DIPK1A: variants seen among roughly 807,000 people sequenced by gnomAD.
DIPK1A encodes divergent protein kinase domain 1A.
A neutral mutation model predicts 40.8 loss-of-function variants in DIPK1A; 27 were observed. The ratio of observed to expected loss-of-function variants is 0.66; its 90% CI spans 0.49 to 0.91. DIPK1A has a LOEUF of 0.91. Ranked by LOEUF, DIPK1A falls within the 40% of genes least tolerant of loss-of-function variation. The pLI is 0.00. For missense variants in DIPK1A, 412 were observed against 505.7 expected (o/e 0.81, Z 1.78); for synonymous variants, 166 against 171.3 (o/e 0.97, Z 0.24).
chr1:92,863,539 G>A (rs938170123), intron 2 of DIPK1A, among the ~76,000 whole-genome samples: 1 of 132,186 alleles, frequency 7.6e-6, no homozygotes, highest in African/African-American at 2.9e-5. Flanking sequence ...TCAAGACTAG[G>A]CTGGGCAACA....
In DIPK1A at chr1:92,893,592, A is replaced by C. The variant is rs552465027; in HGVS notation, c.55-17162T>G. Among the ~76,000 whole-genome samples, 920 of 152,168 alleles carry C rather than the reference A, an allele frequency of 6.0e-3. 9 individuals carry two copies. The highest frequency in any genetic ancestry group is 0.021 in the African/African-American group (874 of 41,432). On this transcript the variant is annotated intron_variant, in intron 1 of 4. Transcript: ENST00000370310. ...ATCGAGGCTAGGAAGAAACTGCATC[A>C]ACTAACGAGCAAAATAACCAGCTAA...
chr1:92,835,050 A>G, intron 4 of DIPK1A: 2 of 1,236,988 alleles, frequency 1.6e-6, no homozygotes, highest in Non-Finnish European at 2.3e-6. Flanking sequence ...CTGCTTTGTT[A>G]ATGGATCTAT....
intron 4 of DIPK1A, chr1:92,833,284 G>C: frequency 2.1e-6 from 2 of 933,548 alleles, no homozygotes; most frequent in Non-Finnish European, 3.4e-6. Context: ...ACAGTTGTCT[G>C]TTTACTCTTG....
chr1:92,834,671 A>ATG, intron 4 of DIPK1A: 3 of 1,446,624 alleles, frequency 2.1e-6, no homozygotes, highest in South Asian at 1.2e-5. Flanking sequence ...ATTTTAAGTG[A>ATG]TGTTCATCTG....
rs1157142089 is a variant in DIPK1A at position 92,959,903 on chromosome 1, C to CTTTTTTTTTTTTTTTTTTTTTTTTTTTTT, written c.54+1472_54+1473insAAAAAAAAAAAAAAAAAAAAAAAAAAAAA. On this transcript the variant is annotated intron_variant, in intron 1 of 4. Transcript: ENST00000370310. ...GCTGGGACCACAGGCACCCAACCAA[C>CTTTTTTTTTTTTTTTTTTTTTTTTTTTTT]TTTTTTTTTTTTTTTTTTTTTTTTG... is the stretch of plus-strand genomic sequence containing the variant. Among the ~76,000 whole-genome samples, 7 of 47,876 alleles carry CTTTTTTTTTTTTTTTTTTTTTTTTTTTTT rather than the reference C, an allele frequency of 1.5e-4. 1 individual carries two copies. Among genetic ancestry groups the CTTTTTTTTTTTTTTTTTTTTTTTTTTTTT allele is most frequent in the African/African-American group, 5.5e-4 (5 of 9,078 alleles). The allele number at this position is 47,876 out of a possible 152,430, so 31.4% of individuals were successfully genotyped here. A position where few individuals can be genotyped will look rare whatever the true frequency, so the allele number is the denominator to read the frequency against.
At chr1:92,951,742 T>C (rs1651640678) in intron 1 of DIPK1A, among the ~76,000 whole-genome samples, 1 of 152,182 alleles carries the variant, frequency 6.6e-6, no homozygotes, top group Admixed American at 6.5e-5. Flanking sequence ...TCAATTACTA[T>C]AAAATCCAGT....
intron 1 of DIPK1A, among the ~76,000 whole-genome samples, chr1:92,956,195 T>TA (rs554394585): frequency 6.0e-5 from 9 of 149,924 alleles, no homozygotes; most frequent in South Asian, 2.1e-4. Context: ...ATCTTTAACT[T>TA]AAAAAAAAAA....
intron 1 of DIPK1A, among the ~76,000 whole-genome samples, chr1:92,894,305 C>A (rs1432830148): frequency 6.6e-6 from 1 of 152,084 alleles, no homozygotes; most frequent in Non-Finnish European, 1.5e-5. Flanking sequence ...CAAACTGTCT[C>A]TCAGACCACA....
At chr1:92,845,539 CT>C in intron 4 of DIPK1A, 1 of 263,144 alleles carries the variant, frequency 3.8e-6, no homozygotes, top group Non-Finnish European at 7.1e-6. Context: ...ACCGTCTCTG[CT>C]GAAAAAAAAA....
intron 1 of DIPK1A, among the ~76,000 whole-genome samples, chr1:92,960,209 T>C: frequency 6.6e-6 from 1 of 152,202 alleles, no homozygotes; most frequent in Non-Finnish European, 1.5e-5. Context: ...ACGCTTAATA[T>C]CATGGGTTGT....
intron 1 of DIPK1A, among the ~76,000 whole-genome samples, chr1:92,884,341 T>G (rs1371511901): frequency 1.3e-5 from 2 of 152,022 alleles, no homozygotes; most frequent in Admixed American, 1.3e-4. Context: ...TGATCCCAGC[T>G]ACACAGGAGG....
At chr1:92,833,009 G>A in exon 5 of DIPK1A, 1 of 740,958 alleles carries the variant, frequency 1.3e-6, no homozygotes, top group South Asian at 1.4e-5. Context: ...CTTCGCAAAA[G>A]TTTGGCACAA....
chr1:92,879,276 A>G (rs1211735030), intron 1 of DIPK1A, among the ~76,000 whole-genome samples: 1 of 152,202 alleles, frequency 6.6e-6, no homozygotes, highest in Non-Finnish European at 1.5e-5. Context: ...TTTATAAGAC[A>G]ATTGAAAATT....
downstream of DIPK1A, chr1:92,840,512 G>T: frequency 6.8e-7 from 1 of 1,475,410 alleles, no homozygotes; most frequent in South Asian, 1.1e-5. Flanking sequence ...TAGGGCACAT[G>T]AAATGAAACC....
At chr1:92,881,030 G>C (rs2100784218) in intron 1 of DIPK1A, among the ~76,000 whole-genome samples, 1 of 151,382 alleles carries the variant, frequency 6.6e-6, no homozygotes, top group Admixed American at 6.6e-5. Flanking sequence ...AAAATTAGCT[G>C]GGTGTGGTGG....
chr1:92,845,026 G>A (rs1687531572), intron 4 of DIPK1A, among the ~76,000 whole-genome samples: 2 of 137,824 alleles, frequency 1.5e-5, no homozygotes, highest in South Asian at 2.3e-4. Context: ...CTCACTGCAA[G>A]CTCCACCTCC....
chr1:92,941,081 A>C (rs1651133453), intron 1 of DIPK1A, among the ~76,000 whole-genome samples: 1 of 146,750 alleles, frequency 6.8e-6, no homozygotes, highest in African/African-American at 2.5e-5. Context: ...TCATCTTTTT[A>C]ACAGGGTCTT....
intron 1 of DIPK1A, among the ~76,000 whole-genome samples, chr1:92,942,809 G>A (rs1195143323): frequency 2.0e-5 from 3 of 152,004 alleles, no homozygotes; most frequent in Admixed American, 1.3e-4. Context: ...GATTACAGGC[G>A]CCCGCCACCA....
intron 1 of DIPK1A, 62 bp downstream of exon 1, chr1:92,961,314 G>C: frequency 7.7e-7 from 1 of 1,299,150 alleles, no homozygotes. Context: ...AGTCCTGCGC[G>C]GCGCGGCAGG....
Sources: allele counts gnomAD v4.1 joint callset (sites outside exome capture counted in the v4.1 genomes callset), GRCh38; gene constraint gnomAD v4.1.1; transcripts MANE v1.5; gene names NCBI Gene and HGNC (gene_info 2026-07-23, HGNC 2026-07-21).